Variants in RAPGEF5 observed in about 807,000 individuals in gnomAD.
RAPGEF5 encodes Rap guanine nucleotide exchange factor 5, also known as M-Ras-regulated GEF.
RAPGEF5 carries 65 observed loss-of-function variants against 125.2 expected under a neutral mutation model. The observed-to-expected ratio is 0.52, with a 90% CI of 0.43 to 0.64. The LOEUF (loss-of-function observed/expected upper bound fraction) is 0.64, where lower values mean the gene tolerates loss of function less well. Ranked by LOEUF, RAPGEF5 falls within the 30% of genes least tolerant of loss-of-function variation. The pLI is 0.00. For missense variants in RAPGEF5, 958 were observed against 1,048.1 expected (o/e 0.91, Z 1.19); for synonymous variants, 391 against 385.9 (o/e 1.01, Z -0.16).
chr7:22,219,736 C>T, intron 9 of RAPGEF5, 130 bp downstream of exon 9: 2 of 1,267,996 alleles, frequency 1.6e-6, no homozygotes, highest in Non-Finnish European at 2.1e-6. Flanking sequence ...AAGGAGGATG[C>T]TCTTGGGGGG....
chr7:22,324,797 A>T (rs560300156), intron 1 of RAPGEF5, among the ~76,000 whole-genome samples: 7 of 152,292 alleles, frequency 4.6e-5, no homozygotes, highest in Admixed American at 3.9e-4. Flanking sequence ...CTTCGCACGA[A>T]TTAATCTCCC....
chr7:22,179,658 AAAC>A (rs1298215343), intron 11 of RAPGEF5, among the ~76,000 whole-genome samples: 1 of 151,872 alleles, frequency 6.6e-6, no homozygotes, highest in Non-Finnish European at 1.5e-5. Flanking sequence ...CTTGCTGATA[AAAC>A]AACATGTGGT....
At chr7:22,306,335 T>G (rs1440682049) in intron 5 of RAPGEF5, among the ~76,000 whole-genome samples, 1 of 152,230 alleles carries the variant, frequency 6.6e-6, no homozygotes, top group African/African-American at 2.4e-5. Context: ...GCTGAACACC[T>G]TTTCATAAAC....
chr7:22,166,071 T>TATATATATATCATATATATATATATC (rs1242094361), intron 12 of RAPGEF5, among the ~76,000 whole-genome samples: 2 of 145,010 alleles, frequency 1.4e-5, no homozygotes, highest in East Asian at 2.0e-4. Context: ...ATTATATACA[T>TATATATATATCATATATATATATATC]ATATATGTAT....
At position 22,135,515 on chromosome 7, in the gene RAPGEF5, A is replaced by G. The variant is rs868665956; in HGVS notation, c.2416+523T>C. ...TCAGTGGAGTAACTTGCAGCTATCAAATATTTTCCCAACTCAATTCCACTC... is the reference window on the plus strand; with the variant it reads ...TCAGTGGAGTAACTTGCAGCTATCAGATATTTTCCCAACTCAATTCCACTC... On this transcript the variant is annotated intron_variant, in intron 23 of 25. Transcript: ENST00000665637. Among the ~76,000 whole-genome samples, 4 of 152,348 alleles carry G rather than the reference A, an allele frequency of 2.6e-5. No individual in the cohort carries two copies. The South Asian group carries it at 8.3e-4, about 32-fold the overall frequency.
intron 5 of RAPGEF5, among the ~76,000 whole-genome samples, chr7:22,301,461 A>T (rs951007932): frequency 6.6e-6 from 1 of 151,966 alleles, no homozygotes; most frequent in African/African-American, 2.4e-5. Flanking sequence ...TAAAAATACA[A>T]AAAATTAGCT....
chr7:22,248,758 T>C (rs1786543762), intron 7 of RAPGEF5, among the ~76,000 whole-genome samples: 1 of 152,150 alleles, frequency 6.6e-6, no homozygotes, highest in South Asian at 2.1e-4. Context: ...CCTCCGGAAC[T>C]AGGAGGTAGG....
Position 22,122,414 on chromosome 7 carries a change from G to A in RAPGEF5, c.2644C>T (p.Arg882Trp). The change falls in exon 26 of 26, where the codon CGG becomes TGG. Residue 882 changes from arginine to tryptophan, a missense_variant. By Grantham distance (101) the Arg-to-Trp change is moderately radical. Coordinates refer to ENST00000665637, the MANE Select transcript of RAPGEF5 (RefSeq NM_012294.5). ...LFELSHRIEP[R>W]V ...AGGTGAGGCAGTGGGGCTCACACCCGAGGCTCGATCCTGTGTGAGAGCTCA... is the reference window on the plus strand; with the variant it reads ...AGGTGAGGCAGTGGGGCTCACACCCAAGGCTCGATCCTGTGTGAGAGCTCA... 1 of 1,612,752 alleles carries A rather than the reference G, an allele frequency of 6.2e-7. No individual in the cohort carries two copies. The highest frequency in any genetic ancestry group is 8.5e-7 in the Non-Finnish European group (1 of 1,179,038).
chr7:22,247,593 T>A (rs1786510226), intron 7 of RAPGEF5, among the ~76,000 whole-genome samples: 1 of 152,108 alleles, frequency 6.6e-6, no homozygotes, highest in South Asian at 2.1e-4. Flanking sequence ...CCCATTCATG[T>A]GGAACTGTGA....
chr7:22,252,738 T>C (rs1026377847), intron 7 of RAPGEF5, among the ~76,000 whole-genome samples: 1 of 152,136 alleles, frequency 6.6e-6, no homozygotes, highest in Non-Finnish European at 1.5e-5. Flanking sequence ...GATAGTGTCA[T>C]GGGACTTTTT....
At chr7:22,257,395 G>T (rs971474818) in intron 7 of RAPGEF5, among the ~76,000 whole-genome samples, 1 of 152,136 alleles carries the variant, frequency 6.6e-6, no homozygotes, top group Non-Finnish European at 1.5e-5. Context: ...ATCACAATAA[G>T]AAGTTTACCT....
At position 22,167,102 on chromosome 7, in the gene RAPGEF5, T is replaced by C. The variant is rs755264497; in HGVS notation, c.1251A>G (p.Thr417=). ...DFLLTYTVFM[T]TDDLCQALLR... ...ACAGAGCCTGGCACAAGTCATCAGTTGTCATGAAGACAGTGTACGTGAGAA... is the reference window on the plus strand; with the variant it reads ...ACAGAGCCTGGCACAAGTCATCAGTCGTCATGAAGACAGTGTACGTGAGAA... Residue 417 remains threonine, a synonymous_variant, in exon 12 of 26, where the codon ACA becomes ACG. Coordinates refer to ENST00000665637, the MANE Select transcript of RAPGEF5 (RefSeq NM_012294.5). The C allele has an allele frequency of 1.9e-6, 3 of 1,613,228 alleles. No individual in the cohort carries two copies. Among genetic ancestry groups the C allele is most frequent in the Non-Finnish European group, 2.5e-6 (3 of 1,179,544 alleles).
intron 1 of RAPGEF5, 94 bp from the exon 2 acceptor site, chr7:22,318,131 C>T (rs1783640591): frequency 8.7e-7 from 1 of 1,146,310 alleles, no homozygotes; most frequent in Non-Finnish European, 1.2e-6. Context: ...GGGCAGGCCT[C>T]TGCTATGAAA....
At chr7:22,143,053 C>G (rs889899591) in intron 20 of RAPGEF5, among the ~76,000 whole-genome samples, 3 of 152,228 alleles carry the variant, frequency 2.0e-5, no homozygotes, top group African/African-American at 7.2e-5. Context: ...ATAGTGGGAA[C>G]TGAGCTGGGT....
chr7:22,189,011 G>T (rs781599827), intron 11 of RAPGEF5, among the ~76,000 whole-genome samples: 29 of 148,900 alleles, frequency 1.9e-4, no homozygotes, highest in Non-Finnish European at 3.7e-4. Context: ...TCCACACAGA[G>T]GCATGCTAAC....
At chr7:22,139,939 G>A in intron 21 of RAPGEF5, 86 bp downstream of exon 21, 1 of 1,186,288 alleles carries the variant, frequency 8.4e-7, no homozygotes, top group Non-Finnish European at 1.2e-6. Context: ...AACATTTTTA[G>A]TTTAGTAGTA....
chr7:22,177,905 G>A (rs1010789367), intron 11 of RAPGEF5, among the ~76,000 whole-genome samples: 8 of 152,088 alleles, frequency 5.3e-5, no homozygotes, highest in Admixed American at 3.3e-4. Flanking sequence ...GTTTGGAAGC[G>A]GGAGTAGAGT....
chr7:22,306,624 G>A (rs900382574), intron 5 of RAPGEF5, among the ~76,000 whole-genome samples: 1 of 152,076 alleles, frequency 6.6e-6, no homozygotes, highest in Admixed American at 6.5e-5. Context: ...GTGGAGTATT[G>A]CTCAAGAAAT....
chr7:22,265,652 T>C (rs141467982), intron 7 of RAPGEF5, among the ~76,000 whole-genome samples: 2 of 149,802 alleles, frequency 1.3e-5, no homozygotes, highest in African/African-American at 4.9e-5. Flanking sequence ...AGAACCTCCA[T>C]ACTGTTTCCC....
Sources: gnomAD v4.1 joint callset for allele counts (sites outside exome capture counted in the v4.1 genomes callset) on GRCh38, gnomAD v4.1.1 for gene constraint, MANE v1.5 for transcripts, NCBI Gene and HGNC (gene_info 2026-07-23, HGNC 2026-07-21) for gene names.